CENPC: variants seen among roughly 807,000 people sequenced by gnomAD.
CENPC encodes CENP-C 1.
A neutral mutation model predicts 112.1 loss-of-function variants in CENPC; 63 were observed. The observed-to-expected ratio is 0.56, with a 90% CI of 0.46 to 0.69. The LOEUF is 0.69. CENPC is among the 30% of genes least tolerant of loss of function. The pLI, the probability that CENPC is intolerant of heterozygous loss-of-function variation, is 0.00. For missense variants in CENPC, 1,000 were observed against 1,103.8 expected (o/e 0.91, Z 1.33); for synonymous variants, 333 against 367.6 (o/e 0.91, Z 1.08).
intron 17 of CENPC, among the ~76,000 whole-genome samples, chr4:67,484,735 T>A (rs1232910000): frequency 1.3e-5 from 2 of 152,204 alleles, no homozygotes; most frequent in Admixed American, 1.3e-4. Flanking sequence ...ATTTTGTTTT[T>A]CCTTATTACT....
At chr4:67,504,627 C>A (rs1300503770) in intron 12 of CENPC, among the ~76,000 whole-genome samples, 1 of 152,016 alleles carries the variant, frequency 6.6e-6, no homozygotes, top group African/African-American at 2.4e-5. Context: ...TAAGACCAGC[C>A]TGGCCAAGAT....
In CENPC at chr4:67,514,615, A is replaced by T. The variant is rs1726002849; in HGVS notation, c.903T>A (p.Asp301Glu). 3 of 1,607,512 alleles carry T rather than the reference A, an allele frequency of 1.9e-6. No homozygotes were observed. The East Asian group carries it at 6.7e-5, about 36-fold the overall frequency. The change falls in exon 8 of 19, where the codon GAT becomes GAA. Residue 301 changes from aspartate (D) to glutamate (E), a missense_variant. Coordinates refer to ENST00000273853, the MANE Select transcript of CENPC (RefSeq NM_001812.4). ...GATCCGACTCATCAATTATAAATTC[A>T]TCCTCTATCAACTTCGTATCATCGG... ...CPPDDTKLIE[D>E]EFIIDESDQS... is the part of the protein sequence containing the mutation.
chr4:67,494,560 T>C (rs1560425010), intron 13 of CENPC, among the ~76,000 whole-genome samples: 1 of 141,652 alleles, frequency 7.1e-6, no homozygotes, highest in East Asian at 2.1e-4. Flanking sequence ...AGTAAGGCAA[T>C]GAGAGAAAGC....
At chr4:67,509,203 CACAT>C (rs1313660780) in intron 9 of CENPC, 98 bp from the exon 10 acceptor site, 8 of 509,660 alleles carry the variant, frequency 1.6e-5, no homozygotes, top group African/African-American at 8.9e-5. Flanking sequence ...TAAACATATA[CACAT>C]ACACACACAC....
intron 7 of CENPC, among the ~76,000 whole-genome samples, chr4:67,515,990 A>G (rs1211172837): frequency 6.6e-6 from 1 of 151,972 alleles, no homozygotes; most frequent in Admixed American, 6.6e-5. Flanking sequence ...TATTATTGTT[A>G]TTTCCCATGC....
Position 67,533,600 on chromosome 4 carries a change from T to C in CENPC, c.232-2686A>G, listed in dbSNP as rs73829213. Among the ~76,000 whole-genome samples the C allele has an allele frequency of 3.8e-3, 580 of 152,292 alleles. 4 individuals are homozygous for C. Among genetic ancestry groups the C allele is most frequent in the African/African-American group, 0.013 (560 of 41,564 alleles). On this transcript the variant is annotated intron_variant, in intron 4 of 18. Coordinates refer to ENST00000273853, the MANE Select transcript of CENPC (RefSeq NM_001812.4). ...GTAGATGAGACATGTCAGCAAACAT[T>C]TTTAGGTTGAAAAGCAAACTACTGG...
intron 16 of CENPC, 104 bp downstream of exon 16, chr4:67,492,076 G>C: frequency 1.4e-6 from 1 of 737,592 alleles, no homozygotes; most frequent in Non-Finnish European, 2.2e-6. Flanking sequence ...AGCACTGATA[G>C]AATTGGGGAG....
At chr4:67,526,167 G>A (rs190041925) in intron 5 of CENPC, among the ~76,000 whole-genome samples, 2 of 151,958 alleles carry the variant, frequency 1.3e-5, no homozygotes, top group Non-Finnish European at 2.9e-5. Flanking sequence ...GGCCTGTGGT[G>A]GGGGGAGGGA....
intron 5 of CENPC, among the ~76,000 whole-genome samples, chr4:67,527,968 T>G (rs183718453): frequency 1.2e-3 from 179 of 152,194 alleles, no homozygotes; most frequent in Non-Finnish European, 2.2e-3. Context: ...CCTAATATCA[T>G]CATTATTAAA....
intron 4 of CENPC, among the ~76,000 whole-genome samples, chr4:67,533,096 C>G (rs1479882278): frequency 1.3e-5 from 2 of 152,066 alleles, no homozygotes; most frequent in Non-Finnish European, 2.9e-5. Context: ...TGCCTGTGTC[C>G]CCAACCAAAT....
chr4:67,491,462 TATATATATATATATATATAGAGAG>T (rs1351741962), intron 16 of CENPC, among the ~76,000 whole-genome samples: 27 of 65,726 alleles, frequency 4.1e-4, no homozygotes, highest in African/African-American at 1.5e-3. Flanking sequence ...TATATATATA[TATATATATATATATATATAGAGAG>T]AGAGAGAGAG....
rs765341892 is a variant in CENPC, at chr4:67,541,058, A to G, written c.66-8T>C. The G allele has an allele frequency of 7.5e-6, 12 of 1,593,260 alleles. No individual in the cohort carries two copies. The highest frequency in any genetic ancestry group is 1.7e-5 in the Admixed American group (1 of 58,488). ...GTGTTAATGTCACGTGCCCTAATAAAGGAAAAATACAGCCTGTCATTTTCA... is the reference window on the plus strand; with the variant it reads ...GTGTTAATGTCACGTGCCCTAATAAGGGAAAAATACAGCCTGTCATTTTCA... On this transcript the variant is annotated splice_polypyrimidine_tract_variant and splice_region_variant and intron_variant, in intron 2 of 18. Coordinates refer to ENST00000273853, the MANE Select transcript of CENPC (RefSeq NM_001812.4).
chr4:67,541,247 G>A (rs981487666), intron 2 of CENPC, among the ~76,000 whole-genome samples, 197 bp from the exon 3 acceptor site: 1 of 152,190 alleles, frequency 6.6e-6, no homozygotes, highest in Middle Eastern at 3.4e-3. Context: ...ATAAGAATTA[G>A]TATATCATAA....
At chr4:67,545,226 A>T in intron 1 of CENPC, 112 bp downstream of exon 1, 1 of 1,081,978 alleles carries the variant, frequency 9.2e-7, no homozygotes, top group South Asian at 2.2e-5. Flanking sequence ...TTCCCACTGA[A>T]ATCCCTCAGA....
Position 67,493,976 on chromosome 4 carries a change from T to C in CENPC, c.2198A>G (p.Asn733Ser), listed in dbSNP as rs1438961862. The stretch of plus-strand genomic sequence containing the variant: ...CTTGGTCCTGCGAACATTTGGTGTG[T>C]TGGAGGGCAATACTATAAAAAGATG... ...RIHHKLVLPS[N>S]TPNVRRTKRT... The change falls in exon 14 of 19, where the codon AAC becomes AGC. Residue 733 changes from asparagine to serine, a missense_variant. Asn to Ser is a conservative substitution (Grantham distance 46). Transcript: ENST00000273853. 3.7e-6 allele frequency: 6 copies of C among 1,609,856 alleles called. No homozygotes were observed. The East Asian group carries it at 8.9e-5, about 24-fold the overall frequency.
intron 5 of CENPC, 72 bp from the exon 6 acceptor site, chr4:67,519,574 A>C (rs1726164242): frequency 1.7e-5 from 17 of 1,014,924 alleles, no homozygotes; most frequent in Non-Finnish European, 8.1e-6. Context: ...CTTTTTAAAA[A>C]TTCTGCAATA....
Position 67,530,871 on chromosome 4 carries a change from T to C in CENPC, c.275A>G (p.Lys92Arg). 1 of 1,606,712 alleles carries C rather than the reference T, an allele frequency of 6.2e-7. No individual in the cohort carries two copies. The highest frequency in any genetic ancestry group is 1.1e-5 in the South Asian group (1 of 89,728). ...AACAAACTGTAGAGAGGCTTCTTTC[T>C]TCTTTGAAGAAACTGGAACTGACTT... ...HPKSVPVSSKKKEASLQFVVE... is the reference protein window; with the variant it reads ...HPKSVPVSSKRKEASLQFVVE... Residue 92 changes from lysine (K) to arginine (R), a missense_variant, in exon 5 of 19, where the codon AAG becomes AGG. Coordinates refer to ENST00000273853, the MANE Select transcript of CENPC (RefSeq NM_001812.4).
intron 18 of CENPC, 55 bp from the exon 19 acceptor site, chr4:67,472,730 T>C: frequency 7.1e-7 from 1 of 1,416,494 alleles, no homozygotes. Flanking sequence ...TCATTCTTTT[T>C]GATTAAGTAT....
At chr4:67,511,238 C>A (rs187726885) in intron 9 of CENPC, among the ~76,000 whole-genome samples, 4 of 152,194 alleles carry the variant, frequency 2.6e-5, no homozygotes, top group African/African-American at 7.2e-5. Context: ...CCAAAGGCTG[C>A]AACAAAATAA....
Sources: gnomAD v4.1 joint callset for allele counts (sites outside exome capture counted in the v4.1 genomes callset) on GRCh38, gnomAD v4.1.1 for gene constraint, MANE v1.5 for transcripts, NCBI Gene and HGNC (gene_info 2026-07-23, HGNC 2026-07-21) for gene names.